Variants in JPH1 observed in about 807,000 individuals in gnomAD.
The protein encoded by JPH1 is junctophilin-1.
In JPH1, 12 loss-of-function variants were observed where a neutral mutation model predicts 53.6. That is an observed-to-expected ratio of 0.22 (90% confidence interval 0.14 to 0.36). JPH1 has a LOEUF of 0.36. Ranked by LOEUF, JPH1 falls within the 10% of genes least tolerant of loss-of-function variation. The pLI is 1.00. For synonymous variants in JPH1, 375 were observed against 363.8 expected, an observed-to-expected ratio of 1.03 and a Z score of -0.35; for missense variants, 808 against 905.5, an observed-to-expected ratio of 0.89 and a Z score of 1.38.
intron 2 of JPH1, among the ~76,000 whole-genome samples, chr8:74,289,142 T>G (rs1018351906): frequency 1.6e-4 from 24 of 152,206 alleles, no homozygotes; most frequent in African/African-American, 5.5e-4. Context: ...CAGGCAACCT[T>G]CAGTAACGGG....
At chr8:74,248,845 T>C (rs1191990493) in intron 3 of JPH1, among the ~76,000 whole-genome samples, 2 of 152,186 alleles carry the variant, frequency 1.3e-5, no homozygotes, top group East Asian at 3.9e-4. Context: ...GTTGATGAGA[T>C]GCAGCGGTTC....
intron 4 of JPH1, among the ~76,000 whole-genome samples, chr8:74,242,781 G>T (rs1369163801): frequency 6.6e-6 from 1 of 152,218 alleles, no homozygotes; most frequent in Non-Finnish European, 1.5e-5. Flanking sequence ...TCCCCCTTGG[G>T]GTGTAGAGGG....
chr8:74,245,773 C>T (rs913439065), intron 3 of JPH1, among the ~76,000 whole-genome samples: 2 of 151,992 alleles, frequency 1.3e-5, no homozygotes, highest in Non-Finnish European at 2.9e-5. Context: ...AGGCAGTTGT[C>T]TCTGGTTCTG....
chr8:74,251,235 T>C (rs1429248570), intron 3 of JPH1, among the ~76,000 whole-genome samples: 1 of 152,192 alleles, frequency 6.6e-6, no homozygotes, highest in Admixed American at 6.5e-5. Context: ...ACACTGCCAA[T>C]TTTTGCCTCT....
rs907511172 is a variant in JPH1 at position 74,235,020 on chromosome 8, T to C, written c.*2031A>G. ...TATAAATCATACATATATTTATAAATGGGACCAACATGCTCACTTTATAAA... is the reference window on the plus strand; with the variant it reads ...TATAAATCATACATATATTTATAAACGGGACCAACATGCTCACTTTATAAA... On this transcript the variant is annotated 3_prime_UTR_variant, in exon 6 of 6. Transcript: ENST00000342232. 2.7e-4 allele frequency: 41 copies of C among 152,736 alleles called. No homozygotes were observed. The highest frequency in any genetic ancestry group is 9.9e-4 in the African/African-American group (41 of 41,580). The allele number at this position is 152,736 out of a possible 1,614,324, so 9.5% of individuals were successfully genotyped here. A position where few individuals can be genotyped will look rare whatever the true frequency, so the allele number is the denominator to read the frequency against.
At chr8:74,301,426 C>T (rs1807677629) in intron 2 of JPH1, among the ~76,000 whole-genome samples, 1 of 152,220 alleles carries the variant, frequency 6.6e-6, no homozygotes, top group South Asian at 2.1e-4. Context: ...GTAACAAATG[C>T]AAGTTTCTGG....
Position 74,315,185 on chromosome 8 carries a change from T to C in JPH1, c.815A>G (p.His272Arg). ...GGTTTCCGTGGTGGTGGCGTCCACG[T>C]GGTCTTCCACCGGGCAAAAATCACA... ...VDCDFCPVED[H>R]VDATTTETYM... Residue 272 changes from histidine (H) to arginine (R), a missense_variant, in exon 2 of 6, where the codon CAC (histidine) becomes CGC (arginine). Transcript: ENST00000342232. The surrounding 1 kb of genome is among the most constrained non-coding windows in gnomAD (Gnocchi z 6.3). 2 of 1,614,232 alleles carry C rather than the reference T, an allele frequency of 1.2e-6. No homozygotes were observed. The highest frequency in any genetic ancestry group is 1.7e-6 in the Non-Finnish European group (2 of 1,180,034).
chr8:74,300,184 TA>T (rs141666297), intron 2 of JPH1, among the ~76,000 whole-genome samples: 1,597 of 152,342 alleles, frequency 0.01, 21 homozygotes, highest in African/African-American at 0.037. Context: ...ATAGGCCAAG[TA>T]AAAGTCTTTG....
chr8:74,271,482 C>T (rs1382126332), intron 2 of JPH1, among the ~76,000 whole-genome samples: 1 of 152,212 alleles, frequency 6.6e-6, no homozygotes, highest in African/African-American at 2.4e-5. Flanking sequence ...TCATACTTGT[C>T]TTCTGACATG....
At chr8:74,303,656 T>C (rs934737870) in intron 2 of JPH1, among the ~76,000 whole-genome samples, 3 of 152,108 alleles carry the variant, frequency 2.0e-5, no homozygotes, top group Admixed American at 6.5e-5. Flanking sequence ...TGATCATAGC[T>C]CACTGCAGCC....
chr8:74,239,956 A>G (rs778585656), intron 4 of JPH1, among the ~76,000 whole-genome samples: 7 of 152,092 alleles, frequency 4.6e-5, no homozygotes, highest in Non-Finnish European at 1.0e-4. Flanking sequence ...GTTCCAAACA[A>G]TCCAATTATA....
chr8:74,237,256 C>T lies in JPH1; in HGVS notation c.1953G>A (p.Gly651=), dbSNP rs531851268. 1.1e-4 allele frequency: 174 copies of T among 1,613,524 alleles called. No individual in the cohort carries two copies. The East Asian group carries it at 3.4e-3, about 31-fold the overall frequency. Residue 651 remains glycine (G), a synonymous_variant, in exon 5 of 6, where the codon GGG becomes GGA. Transcript: ENST00000342232. ...GAAAGTGAACAAAAAGAATGGCCAACCCGATATTCAACAGCATGACAAGGA... is the reference window on the plus strand; with the variant it reads ...GAAAGTGAACAAAAAGAATGGCCAATCCGATATTCAACAGCATGACAAGGA... ...MIVLVMLLNI[G]LAILFVHFLT is the part of the protein sequence containing the mutation.
chr8:74,315,500 C>T lies in JPH1; in HGVS notation c.500G>A (p.Arg167His), dbSNP rs1294087636. The change falls in exon 2 of 6, where the codon CGC becomes CAC. Residue 167 changes from arginine (R) to histidine (H), a missense_variant. Around this residue, in one of 2 missense-constraint regions of JPH1, gnomAD observed 756 missense variants for 811.9 expected, o/e 0.93. Coordinates refer to ENST00000342232, the MANE Select transcript of JPH1 (RefSeq NM_020647.4). This position sits in a 1 kb window ranked among gnomAD's most constrained non-coding sequence, Gnocchi z 6.3. ...CACGCTGCCATTGCTCTGCTCGCTGCGCAGCGAGGCCAGCGAGGTACGCAG... is the reference window on the plus strand; with the variant it reads ...CACGCTGCCATTGCTCTGCTCGCTGTGCAGCGAGGCCAGCGAGGTACGCAG... ...SPLRTSLASL[R>H]SEQSNGSVLH... is the part of the protein sequence containing the mutation. The T allele has an allele frequency of 2.5e-6, 4 of 1,605,748 alleles. No homozygotes were observed. The highest frequency in any genetic ancestry group is 2.2e-5 in the East Asian group (1 of 44,708).
Position 74,244,859 on chromosome 8 carries a change from C to A in JPH1, c.1575G>T (p.Ala525=). Residue 525 remains alanine, a synonymous_variant, in exon 4 of 6, where the codon GCG becomes GCT. Transcript: ENST00000342232. ...MSKAPTKEAG[A]VVPQSKYSGR... ...CAGAGTACTTGGACTGGGGCACAACCGCTCCTGCCTCCTTCGTGGGAGCCT... is the reference window on the plus strand; with the variant it reads ...CAGAGTACTTGGACTGGGGCACAACAGCTCCTGCCTCCTTCGTGGGAGCCT... The A allele has an allele frequency of 1.9e-6, 3 of 1,614,174 alleles. No homozygotes were observed. The highest frequency in any genetic ancestry group is 2.5e-6 in the Non-Finnish European group (3 of 1,180,044).
In JPH1 at chr8:74,266,392, C is replaced by T. The variant is rs561787860; in HGVS notation, c.1140-6889G>A. Among the ~76,000 whole-genome samples, 6 of 152,122 alleles carry T rather than the reference C, an allele frequency of 3.9e-5. No homozygotes were observed. In the South Asian group the frequency reaches 1.0e-3, roughly 26 times the overall value. On this transcript the variant is annotated intron_variant, in intron 2 of 5. Transcript: ENST00000342232. ...ATTATTCAGACTTAAAAAGGAAATT[C>T]TGATACATGCCCCAACATGGATGAA...
intron 3 of JPH1, among the ~76,000 whole-genome samples, chr8:74,252,140 C>T (rs949707093): frequency 1.1e-4 from 17 of 152,006 alleles, no homozygotes; most frequent in African/African-American, 1.4e-4. Flanking sequence ...TGAAACTGGA[C>T]CCCTTCCTTA....
At chr8:74,240,318 A>C (rs563772457) in intron 4 of JPH1, among the ~76,000 whole-genome samples, 61 of 151,016 alleles carry the variant, frequency 4.0e-4, no homozygotes, top group African/African-American at 1.4e-3. Flanking sequence ...TATTAACTAC[A>C]GTCACCCTGT....
intron 3 of JPH1, among the ~76,000 whole-genome samples, chr8:74,246,622 C>A (rs558862620): frequency 2.0e-5 from 3 of 152,086 alleles, no homozygotes; most frequent in Non-Finnish European, 4.4e-5. Flanking sequence ...CACATAGCTC[C>A]CATTATCTTT....
intron 2 of JPH1, among the ~76,000 whole-genome samples, chr8:74,280,921 C>T (rs1806996704): frequency 6.6e-6 from 1 of 152,136 alleles, no homozygotes; most frequent in Non-Finnish European, 1.5e-5. Flanking sequence ...ATTATTCGCT[C>T]TAATTTATGT....
Sources: gnomAD v4.1 joint callset for allele counts (sites outside exome capture counted in the v4.1 genomes callset) on GRCh38, gnomAD v4.1.1 for gene constraint, gnomAD v4.1.1 regional missense constraint, Gnocchi (gnomAD v3.1) non-coding constraint, MANE v1.5 for transcripts, NCBI Gene and HGNC (gene_info 2026-07-23, HGNC 2026-07-21) for gene names.